The following DENND1A variants were observed in gnomAD, a reference collection of about 807,000 sequenced individuals.
DENND1A encodes DENN domain-containing protein 1A.
In DENND1A, 51 loss-of-function variants were observed where a neutral mutation model predicts 113.7. The ratio of observed to expected loss-of-function variants is 0.45; its 90% CI spans 0.36 to 0.57. The LOEUF is 0.57. DENND1A is among the 20% of genes least tolerant of loss of function. DENND1A has a pLI of 0.00. For synonymous variants in DENND1A, 565 were observed against 570.8 expected, an observed-to-expected ratio of 0.99 and a Z score of 0.14; for missense variants, 1,258 against 1,395.9, an observed-to-expected ratio of 0.90 and a Z score of 1.57.
intron 8 of DENND1A, among the ~76,000 whole-genome samples, chr9:123,653,287 ACTAC>A (rs1217949541): frequency 6.6e-6 from 1 of 152,196 alleles, no homozygotes; most frequent in Non-Finnish European, 1.5e-5. Context: ...CTATATACTA[ACTAC>A]CTATCAAGTG....
intron 1 of DENND1A, among the ~76,000 whole-genome samples, chr9:123,908,853 T>C (rs1853410024): frequency 6.6e-6 from 1 of 152,208 alleles, no homozygotes; most frequent in African/African-American, 2.4e-5. Flanking sequence ...ACTGGGTATA[T>C]ACCCAAAGGA....
At chr9:123,903,385 G>C (rs796233927) in intron 1 of DENND1A, among the ~76,000 whole-genome samples, 12 of 148,002 alleles carry the variant, frequency 8.1e-5, no homozygotes, top group African/African-American at 3.0e-4. Context: ...TGGCCGAACA[G>C]GAACAGCCCC....
chr9:123,487,869 A>C (rs895912284), intron 13 of DENND1A, among the ~76,000 whole-genome samples: 5 of 152,282 alleles, frequency 3.3e-5, no homozygotes, highest in Admixed American at 1.3e-4. Context: ...GGTGAAGAAC[A>C]GATGAAGAAA....
At chr9:123,485,471 CATTAAGCTCTGT>C (rs2050719560) in intron 13 of DENND1A, 1 of 152,172 alleles carries the variant, frequency 6.6e-6, no homozygotes, top group Admixed American at 6.5e-5. Context: ...AGGAGCTAAT[CATTAAGCTCTGT>C]AATCTCCTCC....
intron 18 of DENND1A, among the ~76,000 whole-genome samples, chr9:123,447,203 C>T (rs2047370615): frequency 6.6e-6 from 1 of 152,180 alleles, no homozygotes; most frequent in East Asian, 1.9e-4. Flanking sequence ...TTCTTTTTCC[C>T]AATTTTGAGC....
At chr9:123,462,074 C>T (rs2048574122) in intron 13 of DENND1A, 1 of 152,218 alleles carries the variant, frequency 6.6e-6, no homozygotes, top group South Asian at 2.1e-4. Context: ...TGTTCAGGGC[C>T]CAACTCTTCT....
At chr9:123,610,206 C>T (rs2060350861) in intron 10 of DENND1A, among the ~76,000 whole-genome samples, 2 of 152,170 alleles carry the variant, frequency 1.3e-5, no homozygotes, top group Admixed American at 6.5e-5. Flanking sequence ...CCGGTCCTGC[C>T]GTTGATTTCA....
chr9:123,890,291 T>C lies in DENND1A; in HGVS notation c.18-11270A>G, dbSNP rs988631735. ...CTGTTTAGAGTGGCTGGGGGAATGG[T>C]GGGCCACAGACTTCTCTGAGGAGGC... On this transcript the variant is annotated intron_variant, in intron 1 of 23. Transcript: ENST00000394215. 3.9e-5 allele frequency among the ~76,000 whole-genome samples: 6 copies of C among 152,246 alleles called. No homozygotes were observed. The East Asian group carries it at 7.7e-4, about 20-fold the overall frequency.
At chr9:123,481,418 G>A (rs1245514808) in intron 13 of DENND1A, among the ~76,000 whole-genome samples, 1 of 152,246 alleles carries the variant, frequency 6.6e-6, no homozygotes, top group Non-Finnish European at 1.5e-5. Context: ...GCACCAGGAA[G>A]GACGCGTGCA....
At chr9:123,413,465 A>C (rs1176303965) in intron 19 of DENND1A, 1 of 985,308 alleles carries the variant, frequency 1.0e-6, no homozygotes, top group African/African-American at 1.7e-5. Context: ...CAGATCTCAA[A>C]TCTGCCTTAG....
chr9:123,440,418 T>C lies in DENND1A; in HGVS notation c.1430A>G (p.Glu477Gly). 6.3e-7 allele frequency: 1 copy of C among 1,590,352 alleles called. No homozygotes were observed. Among genetic ancestry groups the C allele is most frequent in the Non-Finnish European group, 8.5e-7 (1 of 1,172,334 alleles). The change falls in exon 19 of 24, where the codon GAG (glutamate) becomes GGG (glycine). Residue 477 changes from glutamate (E) to glycine (G), a missense_variant. Glu to Gly is a moderately conservative substitution (Grantham distance 98). Transcript: ENST00000394215. Reference sequence around the variant, plus strand: ...TTCTCGGAGCTTGGGGTCCTTGGCCTCCACCAGTGGGGACGGTGCAGTCTT... The same window carrying C: ...TTCTCGGAGCTTGGGGTCCTTGGCCCCCACCAGTGGGGACGGTGCAGTCTT... ...LPKTAPSPLVEAKDPKLREDR... is the reference protein window; with the variant it reads ...LPKTAPSPLVGAKDPKLREDR...
intron 5 of DENND1A, among the ~76,000 whole-genome samples, chr9:123,732,713 A>T (rs548943653): frequency 6.6e-6 from 1 of 152,358 alleles, no homozygotes; most frequent in East Asian, 1.9e-4. Flanking sequence ...AAATCTATTA[A>T]TTTTGAAAAA....
chr9:123,696,990 C>CCTG (rs2065562506), intron 5 of DENND1A, among the ~76,000 whole-genome samples: 1 of 152,170 alleles, frequency 6.6e-6, no homozygotes, highest in Non-Finnish European at 1.5e-5. Context: ...TTACAAAATA[C>CCTG]CTGCCACTGT....
At chr9:123,599,181 A>G (rs1181224494) in intron 11 of DENND1A, among the ~76,000 whole-genome samples, 3 of 152,240 alleles carry the variant, frequency 2.0e-5, no homozygotes, top group Non-Finnish European at 4.4e-5. Flanking sequence ...ATAGCCAAAG[A>G]AAAAACCTAC....
chr9:123,819,434 C>G (rs1204598720), intron 2 of DENND1A, among the ~76,000 whole-genome samples: 1 of 152,182 alleles, frequency 6.6e-6, no homozygotes, highest in African/African-American at 2.4e-5. Context: ...ACAACAGATA[C>G]ATGATATGAA....
At chr9:123,778,269 G>A (rs895968866) in intron 3 of DENND1A, among the ~76,000 whole-genome samples, 5 of 152,254 alleles carry the variant, frequency 3.3e-5, no homozygotes, top group African/African-American at 1.2e-4. Context: ...GGCTGCCTCG[G>A]ACAAATTAAA....
At chr9:123,402,725 C>T in intron 21 of DENND1A, 1 of 441,110 alleles carries the variant, frequency 2.3e-6, no homozygotes, top group Middle Eastern at 5.2e-4. Flanking sequence ...TGGCTCTGGT[C>T]TGGACTCGGG....
intron 2 of DENND1A, among the ~76,000 whole-genome samples, chr9:123,878,620 G>A (rs535615799): frequency 1.3e-5 from 2 of 152,296 alleles, no homozygotes; most frequent in Admixed American, 6.5e-5. Flanking sequence ...GTAGACTAGA[G>A]GTGAAGCCCT....
At chr9:123,542,872 T>A (rs148216769) in intron 13 of DENND1A, among the ~76,000 whole-genome samples, 399 of 152,270 alleles carry the variant, frequency 2.6e-3, no homozygotes, top group Non-Finnish European at 4.2e-3. Context: ...TTTCAGCTCC[T>A]CCATCACTTG....
Sources: allele counts gnomAD v4.1 joint callset (sites outside exome capture counted in the v4.1 genomes callset), GRCh38; gene constraint gnomAD v4.1.1; transcripts MANE v1.5; gene names NCBI Gene and HGNC (gene_info 2026-07-23, HGNC 2026-07-21).